The following SYNE2 variants were observed in gnomAD, a reference collection of about 807,000 sequenced individuals.
SYNE2 encodes the protein nesprin-2.
In SYNE2, 431 loss-of-function variants were observed where a neutral mutation model predicts 856.3. The observed-to-expected ratio is 0.50, with a 90% CI of 0.47 to 0.55. SYNE2 has a LOEUF of 0.55. Among genes scored for constraint, SYNE2 ranks in the 20% least tolerant of loss-of-function variants. The probability of loss-of-function intolerance (pLI) is 0.00; values close to 1 mark genes in which losing one functional copy is unlikely to be tolerated. For synonymous variants in SYNE2, 2,923 were observed against 2,872.3 expected (o/e 1.02, Z -0.56); for missense variants, 8,129 against 8,023.2 (o/e 1.01, Z -0.50).
chr14:63,866,815 T>A (rs1388558353), intron 1 of SYNE2, among the ~76,000 whole-genome samples: 1 of 151,934 alleles, frequency 6.6e-6, no homozygotes, highest in Non-Finnish European at 1.5e-5. Flanking sequence ...CTACAAAAAA[T>A]TTAAAAATTA....
intron 80 of SYNE2, among the ~76,000 whole-genome samples, chr14:64,140,544 T>C (rs1437838127): frequency 6.6e-6 from 1 of 152,146 alleles, no homozygotes; most frequent in African/African-American, 2.4e-5. Flanking sequence ...GATGGCGCCA[T>C]TGCACTCCAG....
chr14:64,209,783 C>G (rs2098630316), intron 102 of SYNE2, 159 bp from the exon 103 acceptor site: 1 of 1,164,558 alleles, frequency 8.6e-7, no homozygotes, highest in Non-Finnish European at 1.2e-6. Flanking sequence ...ACTTGAAAGC[C>G]TGTTCTGTAG....
At chr14:64,115,941 G>T (rs8022631) in intron 66 of SYNE2, among the ~76,000 whole-genome samples, 4,658 of 152,142 alleles carry the variant, frequency 0.031, 136 homozygotes, top group African/African-American at 0.073. Flanking sequence ...ATTGCTTGAG[G>T]CCAGGAGTTT....
chr14:64,079,386 GT>G (rs2097500219), intron 55 of SYNE2, among the ~76,000 whole-genome samples: 1 of 152,118 alleles, frequency 6.6e-6, no homozygotes, highest in Non-Finnish European at 1.5e-5. Flanking sequence ...AAGGATTCTT[GT>G]TCTAATCTAT....
At chr14:63,960,301 A>G (rs746722244) in intron 8 of SYNE2, among the ~76,000 whole-genome samples, 4 of 152,104 alleles carry the variant, frequency 2.6e-5, no homozygotes, top group Non-Finnish European at 5.9e-5. Flanking sequence ...AATTGGATTT[A>G]TTTTCTACTT....
rs935239194 is a variant in SYNE2, at chr14:64,062,884, G to C, written c.10201G>C (p.Glu3401Gln). 2 of 1,613,998 alleles carry C rather than the reference G, an allele frequency of 1.2e-6. No individual in the cohort carries two copies. Among genetic ancestry groups the C allele is most frequent in the African/African-American group, 2.7e-5 (2 of 74,912 alleles). The change falls in exon 50 of 116, where the codon GAA becomes CAA. Residue 3401 changes from glutamate to glutamine, a missense_variant. Physicochemically the swap from Glu to Gln is conservative, Grantham distance 29 (BLOSUM62 2). Transcript: ENST00000555002. ...TTACAGAGAAGCTTTAGAGCGCTTG[G>C]AACAGAGCAAGGTAATAGTATTGGC... The part of the protein sequence containing the change: ...LSYREALERL[E>Q]QSKALVSNLI...
At chr14:63,977,733 C>A (rs185364857) in intron 12 of SYNE2, among the ~76,000 whole-genome samples, 172 bp from the exon 13 acceptor site, 15 of 152,108 alleles carry the variant, frequency 9.9e-5, no homozygotes, top group Non-Finnish European at 2.2e-4. Context: ...GCACTCCAGC[C>A]TGGGTAACAG....
chr14:63,878,259 C>G (rs572266292), intron 1 of SYNE2, among the ~76,000 whole-genome samples: 1 of 152,306 alleles, frequency 6.6e-6, no homozygotes, highest in South Asian at 2.1e-4. Flanking sequence ...TGATCGTGAT[C>G]TCCACCCTGT....
chr14:64,009,385 A>C (rs1183229826), intron 31 of SYNE2, among the ~76,000 whole-genome samples: 1 of 151,876 alleles, frequency 6.6e-6, no homozygotes, highest in African/African-American at 2.4e-5. Context: ...AAAATACAAA[A>C]ATTAGCCAGG....
chr14:64,139,897 AAT>A (rs757448920), intron 79 of SYNE2, 42 bp from the exon 80 acceptor site: 17 of 1,610,110 alleles, frequency 1.1e-5, no homozygotes, highest in Non-Finnish European at 1.4e-5. Context: ...TCATTATCAG[AAT>A]ATGTTTCTAA....
At chr14:63,864,661 A>G (rs1894735220) in intron 1 of SYNE2, among the ~76,000 whole-genome samples, 2 of 152,242 alleles carry the variant, frequency 1.3e-5, no homozygotes, top group Non-Finnish European at 2.9e-5. Flanking sequence ...ACAAGGAGTG[A>G]AAGATTGAAT....
chr14:64,186,375 AGCCGCTTGAGTT>A (rs1416620508), intron 96 of SYNE2, 37 bp from the exon 97 acceptor site: 2 of 1,612,888 alleles, frequency 1.2e-6, no homozygotes, highest in Non-Finnish European at 1.7e-6. Context: ...TGGAAACAAC[AGCCGCTTGAGTT>A]GAAGGCTTTT....
At chr14:64,117,043 TTGTC>T (rs1306512473) in intron 66 of SYNE2, among the ~76,000 whole-genome samples, 2 of 152,178 alleles carry the variant, frequency 1.3e-5, no homozygotes. Flanking sequence ...AGTCCCACCT[TTGTC>T]TGTGGGGGTT....
intron 1 of SYNE2, among the ~76,000 whole-genome samples, chr14:63,846,037 C>T (rs1300625098): frequency 7.2e-6 from 1 of 139,042 alleles, no homozygotes; most frequent in Non-Finnish European, 1.6e-5. Context: ...AGCCACCGTA[C>T]CTGCCCTTTT....
At chr14:64,019,841 T>A in intron 34 of SYNE2, 151 bp from the exon 35 acceptor site, 1 of 641,832 alleles carries the variant, frequency 1.6e-6, no homozygotes, top group Middle Eastern at 4.4e-4. Context: ...GGCACTTGGA[T>A]TTGTAACTTC....
intron 2 of SYNE2, among the ~76,000 whole-genome samples, chr14:63,934,134 G>A (rs1020449126): frequency 7.9e-5 from 12 of 152,158 alleles, no homozygotes; most frequent in East Asian, 5.8e-4. Flanking sequence ...AGGATGAAGA[G>A]GCATTCTCTA....
At chr14:63,923,200 T>C (rs948628315) in intron 2 of SYNE2, among the ~76,000 whole-genome samples, 10 of 152,138 alleles carry the variant, frequency 6.6e-5, no homozygotes, top group Non-Finnish European at 1.3e-4. Flanking sequence ...TTCTAGACTT[T>C]TATCAGTATT....
intron 76 of SYNE2, among the ~76,000 whole-genome samples, chr14:64,130,709 A>G (rs912751099): frequency 2.6e-5 from 4 of 152,000 alleles, no homozygotes; most frequent in African/African-American, 9.7e-5. Flanking sequence ...ACATGGTGAA[A>G]CCCTGTCTCT....
At chr14:64,199,235 C>G (rs1176552815) in intron 99 of SYNE2, among the ~76,000 whole-genome samples, 2 of 152,168 alleles carry the variant, frequency 1.3e-5, no homozygotes, top group African/African-American at 4.8e-5. Flanking sequence ...GATCCTGTAT[C>G]TCCAGTATGT....
Sources: allele counts gnomAD v4.1 joint callset (sites outside exome capture counted in the v4.1 genomes callset), GRCh38; gene constraint gnomAD v4.1.1; transcripts MANE v1.5; gene names NCBI Gene and HGNC (gene_info 2026-07-23, HGNC 2026-07-21).